The following RTN1 variants were observed in gnomAD, a reference collection of about 807,000 sequenced individuals.
RTN1 encodes the protein reticulon-1.
RTN1 carries 25 observed loss-of-function variants against 65.5 expected under a neutral mutation model. The ratio of observed to expected loss-of-function variants is 0.38; its 90% CI spans 0.28 to 0.53. RTN1 has a LOEUF of 0.53. Ranked by LOEUF, RTN1 falls within the 20% of genes least tolerant of loss-of-function variation. The probability of loss-of-function intolerance (pLI) is 0.79; values close to 1 mark genes in which losing one functional copy is unlikely to be tolerated. For synonymous variants in RTN1, 471 were observed against 447.6 expected (o/e 1.05, Z -0.66); for missense variants, 983 against 1,025.4 (o/e 0.96, Z 0.57).
At chr14:59,866,637 C>T (rs1194108167) in intron 1 of RTN1, among the ~76,000 whole-genome samples, 1 of 152,020 alleles carries the variant, frequency 6.6e-6, no homozygotes, top group Non-Finnish European at 1.5e-5. Flanking sequence ...GAGGATATGC[C>T]CACAGAAATA....
intron 1 of RTN1, among the ~76,000 whole-genome samples, chr14:59,819,747 G>C (rs1005998123): frequency 2.0e-5 from 3 of 152,098 alleles, no homozygotes; most frequent in Non-Finnish European, 4.4e-5. Context: ...GCAAGAATTC[G>C]AGCACTGCGC....
At chr14:59,833,750 G>C (rs941959283) in intron 1 of RTN1, among the ~76,000 whole-genome samples, 4 of 152,046 alleles carry the variant, frequency 2.6e-5, no homozygotes, top group Non-Finnish European at 5.9e-5. Flanking sequence ...TAATTTTAGA[G>C]AATATGCAGG....
intron 1 of RTN1, among the ~76,000 whole-genome samples, chr14:59,750,077 T>G (rs868006418): frequency 0.017 from 1,157 of 67,288 alleles, 63 homozygotes; most frequent in African/African-American, 0.082. Context: ...ATATATTATA[T>G]ATTATAGACA....
intron 1 of RTN1, among the ~76,000 whole-genome samples, chr14:59,820,365 T>TG (rs1423154978): frequency 1.3e-5 from 2 of 149,116 alleles, no homozygotes; most frequent in South Asian, 2.1e-4. Flanking sequence ...AGTTTTTTTT[T>TG]TTTTTTTTTT....
chr14:59,628,274 T>C (rs1882453801), intron 3 of RTN1, among the ~76,000 whole-genome samples: 1 of 152,198 alleles, frequency 6.6e-6, no homozygotes, highest in Admixed American at 6.5e-5. Context: ...TGAATCAGAA[T>C]CTCAAAAGGT....
intron 1 of RTN1, among the ~76,000 whole-genome samples, chr14:59,853,916 G>T (rs1887555188): frequency 6.8e-6 from 1 of 148,026 alleles, no homozygotes; most frequent in Admixed American, 6.8e-5. Flanking sequence ...CCAGGCTGGA[G>T]TGCAGAAGTG....
intron 3 of RTN1, among the ~76,000 whole-genome samples, chr14:59,622,025 T>C (rs1882267235): frequency 6.6e-6 from 1 of 152,168 alleles, no homozygotes; most frequent in African/African-American, 2.4e-5. Flanking sequence ...ATGTGACAAA[T>C]TAATGCTACT....
intron 1 of RTN1, among the ~76,000 whole-genome samples, chr14:59,757,435 G>A (rs1885662266): frequency 1.3e-5 from 2 of 152,164 alleles, no homozygotes; most frequent in African/African-American, 4.8e-5. Flanking sequence ...TTTGCTGGCT[G>A]CCACCATGTA....
At chr14:59,635,572 G>T (rs1355472332) in intron 3 of RTN1, among the ~76,000 whole-genome samples, 3 of 152,164 alleles carry the variant, frequency 2.0e-5, no homozygotes, top group African/African-American at 7.2e-5. Context: ...TCCTTTCATT[G>T]TTTAGGAGGA....
chr14:59,617,657 T>C (rs928538885), intron 3 of RTN1, among the ~76,000 whole-genome samples: 2 of 152,216 alleles, frequency 1.3e-5, no homozygotes, highest in African/African-American at 4.8e-5. Context: ...TCTAAATTCT[T>C]TGAGGGTTAG....
intron 1 of RTN1, among the ~76,000 whole-genome samples, chr14:59,830,687 T>G (rs1243449488): frequency 1.3e-5 from 2 of 152,220 alleles, no homozygotes; most frequent in Non-Finnish European, 2.9e-5. Context: ...CTGTCCCTAA[T>G]TAGCAATGTG....
rs1038219044 is a variant in RTN1 at position 59,816,003 on chromosome 14, C to T, written c.241+54387G>A. ...CCAATCACTTGTACCACCTGCTCTT[C>T]GTCCAAGATATGAAGTGCCTTCATG... is the stretch of plus-strand genomic sequence containing the variant. On this transcript the variant is annotated intron_variant, in intron 1 of 8. Transcript: ENST00000267484. The surrounding 1 kb of genome is among the most constrained non-coding windows in gnomAD (Gnocchi z 4.3). Among the ~76,000 whole-genome samples the T allele has an allele frequency of 7.2e-5, 11 of 152,108 alleles. No individual in the cohort carries two copies. The highest frequency in any genetic ancestry group is 1.3e-4 in the Admixed American group (2 of 15,280).
chr14:59,861,073 A>G (rs1010449387), intron 1 of RTN1, among the ~76,000 whole-genome samples: 3 of 152,080 alleles, frequency 2.0e-5, no homozygotes, highest in Non-Finnish European at 4.4e-5. Flanking sequence ...GGAAGGCATG[A>G]TTGGTTTTGA....
chr14:59,631,800 G>GGA (rs1453487110), intron 3 of RTN1, among the ~76,000 whole-genome samples: 1 of 152,148 alleles, frequency 6.6e-6, no homozygotes, highest in Non-Finnish European at 1.5e-5. Flanking sequence ...AGAATGCCCT[G>GGA]GAGACCACGG....
chr14:59,725,518 C>G (rs1355659620), intron 3 of RTN1, among the ~76,000 whole-genome samples: 1 of 152,166 alleles, frequency 6.6e-6, no homozygotes, highest in Non-Finnish European at 1.5e-5. Context: ...AGCAAAAAAA[C>G]CCAAAATGGT....
chr14:59,649,017 G>T (rs1178340269), intron 3 of RTN1, among the ~76,000 whole-genome samples: 1 of 152,108 alleles, frequency 6.6e-6, no homozygotes, highest in Non-Finnish European at 1.5e-5. Flanking sequence ...TTATGACAAG[G>T]CTAGAGTAAC....
Position 59,650,206 on chromosome 14 carries a change from C to T in RTN1, c.1766-42714G>A, listed in dbSNP as rs140108681. ...ATAAGTAGGAGTTGAACAATGAGAA[C>T]ACATGGACACAGGGAGGGGAACATC... On this transcript the variant is annotated intron_variant, in intron 3 of 8. Transcript: ENST00000267484. Among the ~76,000 whole-genome samples the T allele has an allele frequency of 6.2e-3, 946 of 152,238 alleles. 5 individuals are homozygous for T. Among genetic ancestry groups the T allele is most frequent in the African/African-American group, 0.022 (917 of 41,550 alleles).
intron 3 of RTN1, among the ~76,000 whole-genome samples, chr14:59,674,995 A>C (rs1883591980): frequency 6.6e-6 from 1 of 152,028 alleles, no homozygotes; most frequent in African/African-American, 2.4e-5. Context: ...GCTGGACTTA[A>C]AAGGGCAAGC....
intron 1 of RTN1, among the ~76,000 whole-genome samples, chr14:59,857,061 G>A (rs1566749814): frequency 6.6e-6 from 1 of 152,094 alleles, no homozygotes; most frequent in African/African-American, 2.4e-5. Context: ...TCTGTACCAC[G>A]TCATCTTGGC....
Sources: gnomAD v4.1 joint callset for allele counts (sites outside exome capture counted in the v4.1 genomes callset) on GRCh38, gnomAD v4.1.1 for gene constraint, Gnocchi (gnomAD v3.1) non-coding constraint, MANE v1.5 for transcripts, NCBI Gene and HGNC (gene_info 2026-07-23, HGNC 2026-07-21) for gene names.